CACNA1F: variants seen among roughly 807,000 people sequenced by gnomAD.
CACNA1F encodes the protein calcium voltage-gated channel subunit alpha1 F.
Under a neutral mutation model 143.8 loss-of-function variants are expected in CACNA1F, and 59 were observed. The observed-to-expected ratio is 0.41, with a 90% CI of 0.33 to 0.51. The LOEUF is 0.51. Ranked by LOEUF, CACNA1F falls within the 20% of genes least tolerant of loss-of-function variation. CACNA1F has a pLI of 0.22. For missense variants in CACNA1F, 1,411 were observed against 1,647.5 expected, an observed-to-expected ratio of 0.86 and a Z score of 2.48; for synonymous variants, 643 against 649.1, an observed-to-expected ratio of 0.99 and a Z score of 0.14.
intron 4 of CACNA1F, 60 bp from the exon 5 acceptor site, chrX:49,230,669 C>T: frequency 8.9e-7 from 1 of 1,121,901 alleles, no homozygotes; most frequent in Non-Finnish European, 1.2e-6. Context: ...CCCCCTCCAC[C>T]CTAACCTTCT....
In CACNA1F at chrX:49,214,726, C is replaced by T. The variant is rs2065693149; in HGVS notation, c.3597+360G>A. Among the ~76,000 whole-genome samples the T allele has an allele frequency of 2.7e-5, 3 of 111,837 alleles. No homozygotes were observed. The South Asian group carries it at 1.1e-3, about 41-fold the overall frequency. On this transcript the variant is annotated intron_variant, in intron 29 of 47. Transcript: ENST00000323022. ...GGATGAACAATGAACAAACAGCCTA[C>T]CTCTGCACTTCTCAATACATGAGGT...
At position 49,207,005 on chromosome X, in the gene CACNA1F, C is replaced by G; in HGVS notation, c.5231G>C (p.Arg1744Pro). 1.7e-6 allele frequency: 2 copies of G among 1,186,180 alleles called. No homozygotes were observed. Among genetic ancestry groups the G allele is most frequent in the Non-Finnish European group, 2.3e-6 (2 of 875,021 alleles). ...KQDEDEEVPDRLSYLDEQAGT... is the reference protein window; with the variant it reads ...KQDEDEEVPDPLSYLDEQAGT... The stretch of plus-strand genomic sequence containing the variant: ...ATCCCATGTGGCATGGCCAGTGTAC[C>G]GATCAGGGACTTCCTCATCCTCATC... Residue 1744 changes from arginine (R) to proline (P), a missense_variant and splice_region_variant, in exon 44 of 48, where the codon CGG becomes CCG. Arg to Pro is a moderately radical substitution (Grantham distance 103, BLOSUM62 -2). Coordinates refer to ENST00000323022, the MANE Select transcript of CACNA1F (RefSeq NM_001256789.3).
In CACNA1F at chrX:49,206,392, CAAAAAAAAAAAAAA is replaced by C. The variant is rs1168190548; in HGVS notation, c.5472+105_5472+118del. On this transcript the variant is annotated intron_variant, in intron 46 of 47. Transcript: ENST00000323022. The stretch of plus-strand genomic sequence containing the variant: ...TGGGCAGCAGAGCAAAACTCTGTCT[CAAAAAAAAAAAAAA>C]AAAAAAAAAAAAAGGGCCTGATATG... 9.0e-5 allele frequency: 15 copies of C among 166,550 alleles called. No homozygotes were observed. The African/African-American group carries it at 1.7e-3, about 19-fold the overall frequency. The allele number at this position is 166,550 out of a possible 1,213,427, so 13.7% of individuals were successfully genotyped here.
In CACNA1F at chrX:49,233,332, C is replaced by T; in HGVS notation, c.-23G>A. ...CATCTTTCTTTCGAGATTGAAGGGC[C>T]ATCTGCACACAACCCCCCTCTCTTC... On this transcript the variant is annotated 5_prime_UTR_variant, in exon 1 of 48. It removes an upstream start codon present in the reference 5' UTR. Transcript: ENST00000323022. The T allele has an allele frequency of 1.7e-6, 2 of 1,160,239 alleles. No homozygotes were observed. Among genetic ancestry groups the T allele is most frequent in the Non-Finnish European group, 2.4e-6 (2 of 848,731 alleles).
At position 49,226,217 on chromosome X, in the gene CACNA1F, C is replaced by T; in HGVS notation, c.1490G>A (p.Cys497Tyr). The change falls in exon 12 of 48, where the codon TGC (cysteine) becomes TAC (tyrosine). Residue 497 changes from cysteine to tyrosine, a missense_variant and splice_region_variant. By Grantham distance (194) the Cys-to-Tyr change is radical. Transcript: ENST00000323022. ...GATTTGCACAACTTTCCCAACTCACCAGACTCTGGTTTTCATGATCTTGTT... is the reference window on the plus strand; with the variant it reads ...GATTTGCACAACTTTCCCAACTCACTAGACTCTGGTTTTCATGATCTTGTT... ...CLNKIMKTRV[C>Y]RRLRRANRVL... is the part of the protein sequence containing the mutation. 1 of 1,207,803 alleles carries T rather than the reference C, an allele frequency of 8.3e-7. No homozygotes were observed. The highest frequency in any genetic ancestry group is 1.1e-6 in the Non-Finnish European group (1 of 892,020).
At chrX:49,212,864 TG>T in intron 32 of CACNA1F, 69 bp from the exon 33 acceptor site, 2 of 1,181,287 alleles carry the variant, frequency 1.7e-6, no homozygotes, top group Admixed American at 4.5e-5. Flanking sequence ...TCTCATGCTT[TG>T]GCCCTCCCAG....
rs1557109013 is a variant in CACNA1F at position 49,222,802 on chromosome X, C to T, written c.2122G>A (p.Asp708Asn). The T allele has an allele frequency of 2.5e-6, 3 of 1,210,740 alleles. No homozygotes were observed. The highest frequency in any genetic ancestry group is 2.2e-5 in the Admixed American group (1 of 45,957). The change falls in exon 16 of 48, where the codon GAT (aspartate) becomes AAT (asparagine). Residue 708 changes from aspartate (D) to asparagine (N), a missense_variant. Physicochemically the swap from Asp to Asn is conservative, Grantham distance 23. Coordinates refer to ENST00000323022, the MANE Select transcript of CACNA1F (RefSeq NM_001256789.3). ...TGEDWNVVMY[D>N]GIMAYGGPFF... The stretch of plus-strand genomic sequence containing the variant: ...GGGCCACCATATGCCATGATACCAT[C>T]ATACATGACCACGTTCCAGTCCTCA...
intron 42 of CACNA1F, chrX:49,208,908 C>G: frequency 4.5e-6 from 2 of 443,188 alleles, no homozygotes; most frequent in Non-Finnish European, 7.9e-6. Flanking sequence ...TCACTGTGGC[C>G]TCATCCTCCC....
rs2147910339 is a variant in CACNA1F at position 49,219,761 on chromosome X, C to A, written c.2416G>T (p.Glu806Ter). 9.0e-7 allele frequency: 1 copy of A among 1,111,440 alleles called. No individual in the cohort carries two copies. Among genetic ancestry groups the A allele is most frequent in the Non-Finnish European group, 1.2e-6 (1 of 826,443 alleles). 91.6% of individuals were successfully genotyped at this position (1,111,440 alleles called of 1,213,427 possible). A position where few individuals can be genotyped will look rare whatever the true frequency, so the allele number is the denominator to read the frequency against. ...DMEEEEEEEE[E>*]EEEEEEEEGA... Reference sequence around the variant, plus strand: ...TCTTCCTCTTCTTCCTCTTCTTCCTCTTCTTCCTCCTCCTCCTCCTCCTCC... The same window carrying A: ...TCTTCCTCTTCTTCCTCTTCTTCCTATTCTTCCTCCTCCTCCTCCTCCTCC... Residue 806 changes from glutamate (E) to a stop codon, truncating the protein, a stop_gained, in exon 20 of 48, where the codon GAG (glutamate) becomes TAG (stop). Coordinates refer to ENST00000323022, the MANE Select transcript of CACNA1F (RefSeq NM_001256789.3). LOFTEE classifies it high-confidence loss of function.
chrX:49,226,208 C>T lies in CACNA1F; in HGVS notation c.1490+9G>A. 1 of 1,205,182 alleles carries T rather than the reference C, an allele frequency of 8.3e-7. No homozygotes were observed. Among genetic ancestry groups the T allele is most frequent in the African/African-American group, 1.7e-5 (1 of 57,634 alleles). On this transcript the variant is annotated intron_variant, in intron 12 of 47. Transcript: ENST00000323022. ...GGAGTCAAGGATTTGCACAACTTTCCCAACTCACCAGACTCTGGTTTTCAT... is the reference window on the plus strand; with the variant it reads ...GGAGTCAAGGATTTGCACAACTTTCTCAACTCACCAGACTCTGGTTTTCAT...
At position 49,210,608 on chromosome X, in the gene CACNA1F, T is replaced by G. The variant is rs199990102; in HGVS notation, c.4467A>C (p.Pro1489=). The G allele has an allele frequency of 1.6e-4, 192 of 1,208,602 alleles. 2 individuals carry two copies. In the South Asian group the frequency reaches 3.2e-3, roughly 20 times the overall value. Reference sequence around the variant, plus strand: ...CACAGACCTTGCAGGCCACTCGGTGTGGGCACAGCTTCCCAAATCCCAGAG... The same window carrying G: ...CACAGACCTTGCAGGCCACTCGGTGGGGGCACAGCTTCCCAAATCCCAGAG... ...QPPLGFGKLC[P]HRVACKRLVA... Residue 1489 remains proline (P), a synonymous_variant, in exon 38 of 48, where the codon CCA becomes CCC. Coordinates refer to ENST00000323022, the MANE Select transcript of CACNA1F (RefSeq NM_001256789.3).
chrX:49,221,304 C>G (rs909531662), intron 17 of CACNA1F, among the ~76,000 whole-genome samples: 1 of 111,860 alleles, frequency 8.9e-6, no homozygotes, highest in African/African-American at 3.3e-5. Flanking sequence ...TCAGGAAAAA[C>G]TACAGTCCTC....
rs2147910122 is a variant in CACNA1F, at chrX:49,219,652, C to G, written c.2525G>C (p.Cys842Ser). The G allele has an allele frequency of 1.7e-6, 2 of 1,204,555 alleles. No homozygotes were observed. Among genetic ancestry groups the G allele is most frequent in the Non-Finnish European group, 2.2e-6 (2 of 891,935 alleles). Residue 842 changes from cysteine to serine, a missense_variant, in exon 20 of 48, where the codon TGC becomes TCC. Physicochemically the swap from Cys to Ser is moderately radical, Grantham distance 112 (BLOSUM62 -1). Around this residue, in one of 3 missense-constraint regions of CACNA1F, gnomAD observed 950 missense variants for 1,128.1 expected, o/e 0.84. Coordinates refer to ENST00000323022, the MANE Select transcript of CACNA1F (RefSeq NM_001256789.3). ...CACTCACGGGTTGGTTTGGCTGAGG[C>G]AGAAGAAGGCGCTGCCCTCAGGGAT... is the stretch of plus-strand genomic sequence containing the variant. ...VPIPEGSAFF[C>S]LSQTNPLRKG...
intron 6 of CACNA1F, among the ~76,000 whole-genome samples, chrX:49,228,684 C>G (rs1251768483): frequency 1.8e-5 from 2 of 112,869 alleles, no homozygotes; most frequent in Non-Finnish European, 3.8e-5. Flanking sequence ...CCTGCCTCAG[C>G]CTCCTGAGTA....
At position 49,226,230 on chromosome X, in the gene CACNA1F, T is replaced by A; in HGVS notation, c.1477A>T (p.Lys493Ter). The change falls in exon 12 of 48, where the codon AAA becomes TAA. Residue 493 changes from lysine to a stop codon, truncating the protein, a stop_gained. Coordinates refer to ENST00000323022, the MANE Select transcript of CACNA1F (RefSeq NM_001256789.3). LOFTEE classifies it high-confidence loss of function. ...TTCCCAACTCACCAGACTCTGGTTT[T>A]CATGATCTTGTTTCTGAAAAAGAAG... ...SCTRCLNKIM[K>*]TRVCRRLRRA... The A allele has an allele frequency of 8.3e-7, 1 of 1,209,034 alleles. No individual in the cohort carries two copies. The highest frequency in any genetic ancestry group is 1.1e-6 in the Non-Finnish European group (1 of 892,939).
Position 49,210,658 on chromosome X carries a change from C to T in CACNA1F, c.4417G>A (p.Ala1473Thr), listed in dbSNP as rs1557106016. 2.5e-6 allele frequency: 3 copies of T among 1,210,360 alleles called. No homozygotes were observed. The highest frequency in any genetic ancestry group is 3.5e-5 in the South Asian group (2 of 56,709). Reference sequence around the variant, plus strand: ...GGGGGCTGGATACGTCTCAGCAGGGCAACCACATCCAAGTGTTTGATGCGG... The same window carrying T: ...GGGGGCTGGATACGTCTCAGCAGGGTAACCACATCCAAGTGTTTGATGCGG... The part of the protein sequence containing the change: ...KGRIKHLDVV[A>T]LLRRIQPPLG... Residue 1473 changes from alanine (A) to threonine (T), a missense_variant, in exon 38 of 48, where the codon GCC becomes ACC. Physicochemically the swap from Ala to Thr is moderately conservative, Grantham distance 58. Coordinates refer to ENST00000323022, the MANE Select transcript of CACNA1F (RefSeq NM_001256789.3).
intron 26 of CACNA1F, 141 bp from the exon 27 acceptor site, chrX:49,216,669 G>A (rs2065720698): frequency 5.7e-6 from 3 of 528,245 alleles, no homozygotes; most frequent in Non-Finnish European, 3.1e-6. Flanking sequence ...CCATGTCCTG[G>A]CTGGGTGACC....
intron 30 of CACNA1F, 74 bp from the exon 31 acceptor site, chrX:49,213,976 G>A: frequency 5.2e-6 from 4 of 768,071 alleles, no homozygotes; most frequent in Non-Finnish European, 7.9e-6. Context: ...GTAGTAGTAG[G>A]GGGCGCCGGA....
At chrX:49,226,734 C>T (rs1557110083) in intron 9 of CACNA1F, 32 bp from the exon 10 acceptor site, 1 of 1,115,814 alleles carries the variant, frequency 9.0e-7, no homozygotes, top group African/African-American at 1.8e-5. Context: ...TTAGGGAGGA[C>T]ATACTGGGGG....
Sources: gnomAD v4.1 joint callset for allele counts (sites outside exome capture counted in the v4.1 genomes callset) on GRCh38, gnomAD v4.1.1 for gene constraint, gnomAD v4.1.1 regional missense constraint, MANE v1.5 for transcripts, NCBI Gene and HGNC (gene_info 2026-07-23, HGNC 2026-07-21) for gene names.